The following ZC3H3 variants were observed in gnomAD, a reference collection of about 807,000 sequenced individuals.
ZC3H3 encodes the protein zinc finger CCCH-type containing 3.
A neutral mutation model predicts 77.3 loss-of-function variants in ZC3H3; 36 were observed. That is an observed-to-expected ratio of 0.47 (90% confidence interval 0.36 to 0.61). ZC3H3 has a LOEUF of 0.61. Among genes scored for constraint, ZC3H3 ranks in the 20% least tolerant of loss-of-function variants. The pLI is 0.00. For missense variants in ZC3H3, 1,331 were observed against 1,312.2 expected (o/e 1.01, Z -0.22); for synonymous variants, 626 against 555.2 (o/e 1.13, Z -1.79).
intron 3 of ZC3H3, among the ~76,000 whole-genome samples, chr8:143,526,090 T>G (rs1822402982): frequency 6.6e-6 from 1 of 152,188 alleles, no homozygotes; most frequent in Non-Finnish European, 1.5e-5. Flanking sequence ...AAACCCACGC[T>G]AGGATGCAGG....
At chr8:143,473,004 G>A (rs988494412) in intron 5 of ZC3H3, among the ~76,000 whole-genome samples, 1 of 152,226 alleles carries the variant, frequency 6.6e-6, no homozygotes, top group African/African-American at 2.4e-5. Flanking sequence ...GGCAGGGCCT[G>A]CAGACTGACT....
chr8:143,465,644 G>A, intron 9 of ZC3H3, 73 bp downstream of exon 9: 1 of 1,581,536 alleles, frequency 6.3e-7, no homozygotes, highest in Non-Finnish European at 8.6e-7. Context: ...CACCACGGCA[G>A]GTACCCAGGA....
rs921807671 is a variant in ZC3H3 at position 143,496,776 on chromosome 8, G to A, written c.1715+10970C>T. 3.9e-5 allele frequency among the ~76,000 whole-genome samples: 6 copies of A among 152,260 alleles called. No homozygotes were observed. In the South Asian group the frequency reaches 6.2e-4, roughly 16 times the overall value. ...AACTGCCGGATGGCCTAAACCCAGC[G>A]GTCAGGCCAACACTGCTGCACCAGG... is the stretch of plus-strand genomic sequence containing the variant. On this transcript the variant is annotated intron_variant, in intron 4 of 11. Transcript: ENST00000262577.
At chr8:143,453,528 G>A (rs1040072577) in intron 9 of ZC3H3, among the ~76,000 whole-genome samples, 2 of 152,114 alleles carry the variant, frequency 1.3e-5, no homozygotes, top group Non-Finnish European at 2.9e-5. Flanking sequence ...CATATTCAGT[G>A]AATTATCCTT....
Position 143,538,594 on chromosome 8 carries a change from T to C in ZC3H3, c.773A>G (p.Gln258Arg), listed in dbSNP as rs774686208. The change falls in exon 2 of 12, where the codon CAG becomes CGG. Residue 258 changes from glutamine (Q) to arginine (R), a missense_variant. Gln to Arg is a conservative substitution (Grantham distance 43). Transcript: ENST00000262577. ...GSHSVASCAP[Q>R]LLGDRRVDAG... ...ATCTACTCTCCTGTCCCCAAGGAGC[T>C]GTGGAGCACAGCTGGCCACGGAATG... The C allele has an allele frequency of 3.1e-6, 5 of 1,610,268 alleles. No homozygotes were observed. The African/African-American group carries it at 5.3e-5, about 17-fold the overall frequency.
In ZC3H3 at chr8:143,528,202, G is replaced by A. The variant is rs116353932; in HGVS notation, c.1561+8055C>T. On this transcript the variant is annotated intron_variant, in intron 3 of 11. Transcript: ENST00000262577. ...GGGCCCTGCGTGCTCCTGCCTCCTC[G>A]GGGGCCGCCACTCATCTCTGCGCAG... Among the ~76,000 whole-genome samples the A allele has an allele frequency of 3.0e-3, 456 of 152,310 alleles. 4 individuals carry two copies. Among genetic ancestry groups the A allele is most frequent in the African/African-American group, 0.01 (428 of 41,556 alleles).
At chr8:143,532,988 G>A (rs984113344) in intron 3 of ZC3H3, among the ~76,000 whole-genome samples, 5 of 152,122 alleles carry the variant, frequency 3.3e-5, no homozygotes, top group Non-Finnish European at 5.9e-5. Flanking sequence ...GAGAGCCTGC[G>A]GACTCCGCTC....
chr8:143,451,955 G>A (rs72691427), intron 9 of ZC3H3, among the ~76,000 whole-genome samples: 18,111 of 152,200 alleles, frequency 0.12, 1,206 homozygotes, highest in South Asian at 0.17. Flanking sequence ...GGAAGGGATC[G>A]GGGCACGACT....
In ZC3H3 at chr8:143,541,291, G is replaced by A. The variant is rs1823006105; in HGVS notation, c.46+85C>T. The A allele has an allele frequency of 5.7e-6, 9 of 1,584,428 alleles. No homozygotes were observed. In the Admixed American group the frequency reaches 1.0e-4, roughly 18 times the overall value. On this transcript the variant is annotated intron_variant, in intron 1 of 11. Coordinates refer to ENST00000262577, the MANE Select transcript of ZC3H3 (RefSeq NM_015117.3). ...CACCCAGAACACGCGGGCGGTGAGCGACCCCTTCGACAAGGGGGCAGGGGA... is the reference window on the plus strand; with the variant it reads ...CACCCAGAACACGCGGGCGGTGAGCAACCCCTTCGACAAGGGGGCAGGGGA...
At chr8:143,537,476 G>A (rs1416347622) in intron 2 of ZC3H3, among the ~76,000 whole-genome samples, 1 of 152,184 alleles carries the variant, frequency 6.6e-6, no homozygotes, top group Non-Finnish European at 1.5e-5. Flanking sequence ...CAGGCCTCCT[G>A]GAGCCCAAGC....
intron 9 of ZC3H3, among the ~76,000 whole-genome samples, chr8:143,463,593 G>C (rs1225431123): frequency 1.3e-5 from 2 of 152,236 alleles, no homozygotes; most frequent in African/African-American, 4.8e-5. Context: ...ACTAAGGGGA[G>C]AAGGTGGAGT....
chr8:143,504,711 G>A (rs1821635316), intron 4 of ZC3H3, among the ~76,000 whole-genome samples: 1 of 152,112 alleles, frequency 6.6e-6, no homozygotes, highest in Non-Finnish European at 1.5e-5. Context: ...CCTGGGGCAG[G>A]GTCAGCCTGG....
In ZC3H3 at chr8:143,539,274, A is replaced by G. The variant is rs749679640; in HGVS notation, c.93T>C (p.Pro31=). The part of the protein sequence containing the change: ...YKTLHGNAPA[P]GTPAASGWQP... Reference sequence around the variant, plus strand: ...GCCACCCAGAAGCTGCTGGGGTACCAGGGGCCGGGGCATTGCCGTGGAGGG... The same window carrying G: ...GCCACCCAGAAGCTGCTGGGGTACCGGGGGCCGGGGCATTGCCGTGGAGGG... Residue 31 remains proline, a synonymous_variant, in exon 2 of 12, where the codon CCT becomes CCC. Transcript: ENST00000262577. 1 of 1,612,524 alleles carries G rather than the reference A, an allele frequency of 6.2e-7. No homozygotes were observed. Among genetic ancestry groups the G allele is most frequent in the African/African-American group, 1.3e-5 (1 of 74,912 alleles).
intron 5 of ZC3H3, among the ~76,000 whole-genome samples, chr8:143,475,014 C>T (rs138340232): frequency 3.3e-5 from 5 of 152,354 alleles, no homozygotes; most frequent in Admixed American, 1.3e-4. Context: ...AACTCTCCCC[C>T]ACCCCACAGA....
At position 143,484,996 on chromosome 8, in the gene ZC3H3, G is replaced by A. The variant is rs910346458; in HGVS notation, c.1716-9411C>T. 4.1e-5 allele frequency: 16 copies of A among 387,302 alleles called. No homozygotes were observed. The East Asian group carries it at 4.8e-4, about 12-fold the overall frequency. 24.0% of individuals were successfully genotyped at this position (387,302 alleles called of 1,614,324 possible). On this transcript the variant is annotated intron_variant, in intron 4 of 11. Coordinates refer to ENST00000262577, the MANE Select transcript of ZC3H3 (RefSeq NM_015117.3). ...CAATAAAAACCCACTCACTTCAGAG[G>A]GGTAACCAGAACTGATTATGAAGCA... is the stretch of plus-strand genomic sequence containing the variant.
At chr8:143,478,511 A>T (rs1003930447) in intron 4 of ZC3H3, among the ~76,000 whole-genome samples, 2 of 151,944 alleles carry the variant, frequency 1.3e-5, no homozygotes, top group African/African-American at 4.8e-5. Context: ...GCTCCTTCTT[A>T]TTTTTTTGTT....
At chr8:143,507,271 G>A (rs532901132) in intron 4 of ZC3H3, among the ~76,000 whole-genome samples, 13 of 152,106 alleles carry the variant, frequency 8.5e-5, no homozygotes, top group East Asian at 3.9e-4. Flanking sequence ...GCCAGAACAC[G>A]GACAGGCAGC....
At chr8:143,505,699 C>T (rs1821668832) in intron 4 of ZC3H3, among the ~76,000 whole-genome samples, 1 of 152,238 alleles carries the variant, frequency 6.6e-6, no homozygotes, top group Non-Finnish European at 1.5e-5. Flanking sequence ...CCCTCAGCCA[C>T]ATGTGCATCC....
chr8:143,475,403 C>A lies in ZC3H3; in HGVS notation c.1898G>T (p.Arg633Leu). The A allele has an allele frequency of 6.2e-7, 1 of 1,612,378 alleles. No individual in the cohort carries two copies. The highest frequency in any genetic ancestry group is 8.5e-7 in the Non-Finnish European group (1 of 1,179,618). Residue 633 changes from arginine (R) to leucine (L), a missense_variant, in exon 5 of 12, where the codon CGC becomes CTC. Arg to Leu is a moderately radical substitution (Grantham distance 102). Around this residue, in one of 3 missense-constraint regions of ZC3H3, gnomAD observed 978 missense variants for 915.5 expected, o/e 1.07. Transcript: ENST00000262577. Reference protein sequence around the residue: ...PSDAGSRPLLRTGRLDPAGSC... With the variant: ...PSDAGSRPLLLTGRLDPAGSC... ...CCCCCGCCCTCACCTCTCACCTGTG[C>A]GCAGGAGGGGCCTGCTGCCCGCATC...
Sources: gnomAD v4.1 joint callset for allele counts (sites outside exome capture counted in the v4.1 genomes callset) on GRCh38, gnomAD v4.1.1 for gene constraint, gnomAD v4.1.1 regional missense constraint, MANE v1.5 for transcripts, NCBI Gene and HGNC (gene_info 2026-07-23, HGNC 2026-07-21) for gene names.